The following RFX7 variants were observed in gnomAD, a reference collection of about 807,000 sequenced individuals.
RFX7 encodes regulatory factor X7.
In RFX7, 26 loss-of-function variants were observed where a neutral mutation model predicts 111.8. The ratio of observed to expected loss-of-function variants is 0.23; its 90% CI spans 0.17 to 0.32. RFX7 has a LOEUF of 0.32. RFX7 is among the 10% of genes least tolerant of loss of function. The pLI is 1.00. For missense variants in RFX7, 1,573 were observed against 1,772.9 expected, an observed-to-expected ratio of 0.89 and a Z score of 2.02; for synonymous variants, 624 against 624.4, an observed-to-expected ratio of 1.00 and a Z score of 0.01.
At chr15:56,110,297 C>T (rs1449360150) in intron 5 of RFX7, among the ~76,000 whole-genome samples, 2 of 82,646 alleles carry the variant, frequency 2.4e-5, no homozygotes, top group South Asian at 4.7e-4. Flanking sequence ...CCTGGCCAGC[C>T]GCCCCGTCCG....
At chr15:56,127,464 A>T (rs1306330047) in intron 5 of RFX7, among the ~76,000 whole-genome samples, 1 of 151,322 alleles carries the variant, frequency 6.6e-6, no homozygotes, top group Non-Finnish European at 1.5e-5. Flanking sequence ...GAAGGCTATA[A>T]TAAAGATTCT....
In RFX7 at chr15:56,230,596, G is replaced by A. The variant is rs186696511; in HGVS notation, c.161+12529C>T. Among the ~76,000 whole-genome samples, 7 of 152,228 alleles carry A rather than the reference G, an allele frequency of 4.6e-5. No individual in the cohort carries two copies. The East Asian group carries it at 1.4e-3, about 29-fold the overall frequency. On this transcript the variant is annotated intron_variant, in intron 2 of 9. Coordinates refer to ENST00000559447, the MANE Select transcript of RFX7 (RefSeq NM_022841.7). ...AGATATTCACTAGTACCTACCACTA[G>A]GTGAAAAATAAAAAGATGCAAAATT...
intron 3 of RFX7, among the ~76,000 whole-genome samples, chr15:56,148,829 C>A (rs1009306440): frequency 6.6e-6 from 1 of 152,100 alleles, no homozygotes; most frequent in African/African-American, 2.4e-5. Flanking sequence ...AGCCTGTAAT[C>A]CCAGAACTTT....
At chr15:56,100,677 TTA>T (rs2041740083) in intron 8 of RFX7, among the ~76,000 whole-genome samples, 1 of 152,178 alleles carries the variant, frequency 6.6e-6, no homozygotes, top group Non-Finnish European at 1.5e-5. Context: ...CACTCTAGGT[TTA>T]TAAGGTATAA....
chr15:56,181,876 G>A (rs927438125), intron 2 of RFX7, among the ~76,000 whole-genome samples: 1 of 152,074 alleles, frequency 6.6e-6, no homozygotes, highest in Non-Finnish European at 1.5e-5. Flanking sequence ...AGCAGGAGGT[G>A]AGCAACCAAG....
intron 5 of RFX7, among the ~76,000 whole-genome samples, chr15:56,128,392 GT>G (rs1229626636): frequency 1.3e-5 from 2 of 152,162 alleles, no homozygotes; most frequent in Non-Finnish European, 2.9e-5. Context: ...TCATGATTAA[GT>G]GTGATTTATC....
At chr15:56,235,560 C>T (rs1175037018) in intron 2 of RFX7, among the ~76,000 whole-genome samples, 1 of 152,100 alleles carries the variant, frequency 6.6e-6, no homozygotes, top group African/African-American at 2.4e-5. Flanking sequence ...TAAAACTAGG[C>T]ATCATAAATG....
At chr15:56,209,806 G>T (rs1044379446) in intron 2 of RFX7, among the ~76,000 whole-genome samples, 1 of 150,244 alleles carries the variant, frequency 6.7e-6, no homozygotes, top group East Asian at 1.9e-4. Flanking sequence ...ACTAAAAAAC[G>T]CAAAGAAAGA....
At chr15:56,234,931 A>T (rs2043606312) in intron 2 of RFX7, among the ~76,000 whole-genome samples, 2 of 152,186 alleles carry the variant, frequency 1.3e-5, no homozygotes, top group South Asian at 4.1e-4. Context: ...AAAAAAATTA[A>T]ATTACACAAC....
At chr15:56,124,955 CT>C (rs1370191725) in intron 5 of RFX7, among the ~76,000 whole-genome samples, 1 of 152,118 alleles carries the variant, frequency 6.6e-6, no homozygotes, top group Non-Finnish European at 1.5e-5. Context: ...CCTGAAGTCC[CT>C]ATGTTTTCTT....
At chr15:56,137,053 A>G (rs2141007548) in intron 5 of RFX7, among the ~76,000 whole-genome samples, 1 of 152,296 alleles carries the variant, frequency 6.6e-6, no homozygotes, top group South Asian at 2.1e-4. Flanking sequence ...ATCAATGTTC[A>G]TCAAGGATAT....
chr15:56,100,499 AGAAGT>A (rs1355527702), intron 8 of RFX7, among the ~76,000 whole-genome samples: 1 of 152,252 alleles, frequency 6.6e-6, no homozygotes, highest in Non-Finnish European at 1.5e-5. Context: ...TACTAAAAAA[AGAAGT>A]GAAGTTAATT....
chr15:56,194,256 CAG>C (rs1180552416), intron 2 of RFX7, among the ~76,000 whole-genome samples: 1 of 152,074 alleles, frequency 6.6e-6, no homozygotes, highest in Non-Finnish European at 1.5e-5. Context: ...AGTCTGAAGT[CAG>C]AGTGACTCAC....
intron 2 of RFX7, among the ~76,000 whole-genome samples, chr15:56,232,689 T>C (rs1282945062): frequency 1.3e-5 from 2 of 152,214 alleles, no homozygotes; most frequent in African/African-American, 4.8e-5. Flanking sequence ...CCAAGTCACC[T>C]CTTGAACGCT....
intron 5 of RFX7, among the ~76,000 whole-genome samples, chr15:56,135,719 G>C (rs1218546919): frequency 6.6e-6 from 1 of 151,896 alleles, no homozygotes; most frequent in Non-Finnish European, 1.5e-5. Context: ...GTAATGCCTA[G>C]GTTTTCTTCT....
intron 2 of RFX7, among the ~76,000 whole-genome samples, chr15:56,212,367 T>C (rs1009540597): frequency 6.6e-6 from 1 of 152,122 alleles, no homozygotes; most frequent in Non-Finnish European, 1.5e-5. Context: ...GAAGAATGTA[T>C]AGTCAGAGCA....
chr15:56,241,747 A>G (rs895564800), intron 2 of RFX7, among the ~76,000 whole-genome samples: 2 of 152,140 alleles, frequency 1.3e-5, no homozygotes, highest in African/African-American at 2.4e-5. Context: ...CACCCCAATC[A>G]TATCTATCAG....
At chr15:56,116,244 A>AT (rs2042007608) in intron 5 of RFX7, among the ~76,000 whole-genome samples, 1 of 152,246 alleles carries the variant, frequency 6.6e-6, no homozygotes, top group Non-Finnish European at 1.5e-5. Context: ...TGATGTAATC[A>AT]TACCATTTCG....
At chr15:56,138,336 T>C (rs1437573839) in intron 5 of RFX7, among the ~76,000 whole-genome samples, 1 of 150,954 alleles carries the variant, frequency 6.6e-6, no homozygotes, top group African/African-American at 2.4e-5. Flanking sequence ...TAGTTAGCTC[T>C]TCTTGTTGAA....
Sources: gnomAD v4.1 joint callset for allele counts (sites outside exome capture counted in the v4.1 genomes callset) on GRCh38, gnomAD v4.1.1 for gene constraint, MANE v1.5 for transcripts, NCBI Gene and HGNC (gene_info 2026-07-23, HGNC 2026-07-21) for gene names.